CTNNA2: variants seen among roughly 807,000 people sequenced by gnomAD.
CTNNA2 encodes catenin alpha-2.
CTNNA2 carries 42 observed loss-of-function variants against 101.0 expected under a neutral mutation model. The observed-to-expected ratio is 0.42, with a 90% confidence interval of 0.32 to 0.54. The LOEUF (loss-of-function observed/expected upper bound fraction) is 0.54. Among genes scored for constraint, CTNNA2 ranks in the 20% least tolerant of loss-of-function variants. The probability of loss-of-function intolerance (pLI) is 0.14; values close to 1 mark genes in which losing one functional copy is unlikely to be tolerated. For missense variants in CTNNA2, 871 were observed against 1,223.1 expected, an observed-to-expected ratio of 0.71 and a Z score of 4.29; for synonymous variants, 450 against 456.4, an observed-to-expected ratio of 0.99 and a Z score of 0.18.
chr2:79,221,867 G>A (rs1674349551), intron 2 of CTNNA2, among the ~76,000 whole-genome samples: 1 of 152,132 alleles, frequency 6.6e-6, no homozygotes, highest in Non-Finnish European at 1.5e-5. Flanking sequence ...ACCAGCCCAG[G>A]AGGGTACCTG....
intron 9 of CTNNA2, among the ~76,000 whole-genome samples, chr2:80,544,212 C>T (rs1161431827): frequency 6.6e-6 from 1 of 151,538 alleles, no homozygotes; most frequent in Non-Finnish European, 1.5e-5. Flanking sequence ...CATCCATCTT[C>T]AGAGCCAACT....
At chr2:80,075,155 A>G (rs1427496224) in intron 7 of CTNNA2, among the ~76,000 whole-genome samples, 1 of 152,132 alleles carries the variant, frequency 6.6e-6, no homozygotes, top group Non-Finnish European at 1.5e-5. Context: ...GAAGGTCATC[A>G]GATAGGTATT....
intron 9 of CTNNA2, among the ~76,000 whole-genome samples, chr2:80,513,670 G>A (rs1176845530): frequency 6.6e-6 from 1 of 152,168 alleles, no homozygotes; most frequent in African/African-American, 2.4e-5. Context: ...AGTCTGGAGG[G>A]TCTCAATTTT....
rs142305886 is a variant in CTNNA2, at chr2:80,581,694, T to A, written c.1894-12T>A. The A allele has an allele frequency of 4.5e-6, 7 of 1,538,792 alleles. No homozygotes were observed. The highest frequency in any genetic ancestry group is 1.7e-4 in the Middle Eastern group (1 of 5,918). On this transcript the variant is annotated splice_polypyrimidine_tract_variant and intron_variant, in intron 13 of 18. Coordinates refer to ENST00000402739, the MANE Select transcript of CTNNA2 (RefSeq NM_001282597.3). ...AATTTAAGTATGCTGACTTATATCT[T>A]TTTGTCTTTAGACCCCAGAAGAACT... is the stretch of plus-strand genomic sequence containing the variant.
chr2:80,088,009 C>T (rs1699554624), intron 7 of CTNNA2, among the ~76,000 whole-genome samples: 1 of 152,004 alleles, frequency 6.6e-6, no homozygotes, highest in East Asian at 1.9e-4. Flanking sequence ...CCACCCAGTT[C>T]TCAGGGGCAA....
At chr2:80,543,273 T>G (rs765564326) in intron 9 of CTNNA2, among the ~76,000 whole-genome samples, 5 of 152,170 alleles carry the variant, frequency 3.3e-5, no homozygotes, top group Admixed American at 6.5e-5. Context: ...GAAATTGAAG[T>G]TAAGAGACCT....
intron 13 of CTNNA2, among the ~76,000 whole-genome samples, chr2:80,581,413 T>TG: frequency 6.6e-6 from 1 of 152,274 alleles, no homozygotes; most frequent in East Asian, 1.9e-4. Flanking sequence ...TTTGGATGGG[T>TG]GGAAATAATA....
chr2:80,606,412 A>ACACACACACC (rs1011187162), intron 16 of CTNNA2, among the ~76,000 whole-genome samples: 2 of 48,652 alleles, frequency 4.1e-5, no homozygotes, highest in South Asian at 8.7e-4. Flanking sequence ...ACACACACAC[A>ACACACACACC]CCCCCCAGGA....
chr2:79,982,679 C>T (rs928377166), intron 7 of CTNNA2, among the ~76,000 whole-genome samples: 3 of 151,976 alleles, frequency 2.0e-5, no homozygotes, highest in Non-Finnish European at 2.9e-5. Context: ...CCCCTGGAGG[C>T]CTGTGACAGT....
intron 7 of CTNNA2, among the ~76,000 whole-genome samples, chr2:79,948,414 T>C (rs1036491041): frequency 6.6e-6 from 1 of 152,258 alleles, no homozygotes; most frequent in African/African-American, 2.4e-5. Flanking sequence ...ATAGCCTTCA[T>C]GACTTAGATT....
At chr2:80,401,382 C>T (rs1309424031) in intron 8 of CTNNA2, among the ~76,000 whole-genome samples, 1 of 152,144 alleles carries the variant, frequency 6.6e-6, no homozygotes, top group Non-Finnish European at 1.5e-5. Context: ...TCTAAAAAGT[C>T]TACTTATATT....
chr2:80,640,930 A>G (rs1237032460), intron 18 of CTNNA2, among the ~76,000 whole-genome samples: 1 of 152,036 alleles, frequency 6.6e-6, no homozygotes. Context: ...CTGAAAACCT[A>G]CTCTAGGTCT....
At chr2:80,270,363 G>A (rs924324666) in intron 7 of CTNNA2, among the ~76,000 whole-genome samples, 4 of 152,148 alleles carry the variant, frequency 2.6e-5, no homozygotes, top group African/African-American at 9.7e-5. Context: ...AAGCCTTAGA[G>A]GTTTCTTGAT....
chr2:79,812,541 T>G (rs1394897202), intron 3 of CTNNA2, among the ~76,000 whole-genome samples: 1 of 152,230 alleles, frequency 6.6e-6, no homozygotes, highest in African/African-American at 2.4e-5. Flanking sequence ...AAAGATTTCA[T>G]GGTCAAGCTT....
chr2:79,528,901 A>G (rs1672574571), intron 1 of CTNNA2, among the ~76,000 whole-genome samples: 1 of 152,174 alleles, frequency 6.6e-6, no homozygotes. Context: ...TAGGACATCT[A>G]ATGGTATATA....
intron 3 of CTNNA2, among the ~76,000 whole-genome samples, chr2:79,829,412 CACAG>C (rs1476677129): frequency 1.5e-3 from 193 of 127,322 alleles, no homozygotes; most frequent in Middle Eastern, 3.9e-3. Flanking sequence ...CACACACACA[CACAG>C]ACACAAAGCC....
At chr2:79,976,231 A>C (rs534849027) in intron 7 of CTNNA2, among the ~76,000 whole-genome samples, 1 of 152,346 alleles carries the variant, frequency 6.6e-6, no homozygotes, top group Non-Finnish European at 1.5e-5. Context: ...CCATTTAAAT[A>C]TAATTAATGC....
chr2:80,142,246 C>T (rs975718725), intron 7 of CTNNA2, among the ~76,000 whole-genome samples: 10 of 152,170 alleles, frequency 6.6e-5, no homozygotes, highest in African/African-American at 2.4e-4. Context: ...GCCTCCCCAC[C>T]TTTAAAAACC....
intron 9 of CTNNA2, among the ~76,000 whole-genome samples, chr2:80,539,318 T>G (rs889427059): frequency 3.7e-5 from 4 of 106,906 alleles, no homozygotes; most frequent in African/African-American, 1.9e-4. Flanking sequence ...TTGCTTTTTT[T>G]TTTTTGTTGT....
Sources: gnomAD v4.1 joint callset for allele counts (sites outside exome capture counted in the v4.1 genomes callset) on GRCh38, gnomAD v4.1.1 for gene constraint, MANE v1.5 for transcripts, NCBI Gene and HGNC (gene_info 2026-07-23, HGNC 2026-07-21) for gene names.